PAX8: variants seen among roughly 807,000 people sequenced by gnomAD.
PAX8 encodes the protein paired box protein Pax-8.
A neutral mutation model predicts 52.4 loss-of-function variants in PAX8; 15 were observed. The observed-to-expected ratio is 0.29, with a 90% CI of 0.19 to 0.44. PAX8 has a LOEUF of 0.44. Among genes scored for constraint, PAX8 ranks in the 20% least tolerant of loss-of-function variants. PAX8 has a pLI of 1.00. For missense variants in PAX8, 554 were observed against 602.5 expected, an observed-to-expected ratio of 0.92 and a Z score of 0.84; for synonymous variants, 284 against 249.7, an observed-to-expected ratio of 1.14 and a Z score of -1.29.
intron 9 of PAX8, among the ~76,000 whole-genome samples, chr2:113,234,024 G>A (rs1690083134): frequency 1.3e-5 from 2 of 152,238 alleles, no homozygotes; most frequent in African/African-American, 4.8e-5. Flanking sequence ...GTAGGAGGGT[G>A]TGGGAGGTGA....
At chr2:113,269,007 T>C (rs1693291900) in intron 2 of PAX8, 1 of 152,226 alleles carries the variant, frequency 6.6e-6, no homozygotes, top group Non-Finnish European at 1.5e-5. Flanking sequence ...GGTACTGCCA[T>C]GTCCCCAGGG....
intron 2 of PAX8, among the ~76,000 whole-genome samples, chr2:113,265,277 A>G (rs2104579643): frequency 6.6e-6 from 1 of 152,358 alleles, no homozygotes; most frequent in East Asian, 1.9e-4. Flanking sequence ...CCAACAACAG[A>G]AGCGTGAGGC....
intron 2 of PAX8, chr2:113,267,763 C>G (rs769051588): frequency 6.6e-6 from 1 of 152,258 alleles, no homozygotes; most frequent in South Asian, 2.1e-4. Flanking sequence ...AAATTACCCA[C>G]AGACCTAGGA....
intron 2 of PAX8, chr2:113,269,520 G>A (rs1693325554): frequency 1.3e-5 from 2 of 152,246 alleles, no homozygotes; most frequent in Non-Finnish European, 2.9e-5. Flanking sequence ...TCCCTGCCCT[G>A]TAGAGGTGCC....
chr2:113,268,591 C>T (rs1029507995), intron 2 of PAX8: 8 of 152,218 alleles, frequency 5.3e-5, no homozygotes, highest in Admixed American at 2.0e-4. Context: ...CTGGAAGCTG[C>T]GAGCCACAGA....
At chr2:113,277,051 G>A (rs1466817401) in intron 2 of PAX8, among the ~76,000 whole-genome samples, 4 of 152,220 alleles carry the variant, frequency 2.6e-5, no homozygotes, top group Non-Finnish European at 4.4e-5. Context: ...CCGTAAAGAG[G>A]TGCCAGGGAG....
intron 2 of PAX8, chr2:113,250,865 C>T (rs1227883690): frequency 6.6e-6 from 1 of 152,198 alleles, no homozygotes; most frequent in Non-Finnish European, 1.5e-5. Context: ...CATTAGGAAT[C>T]ACCATGTTAA....
chr2:113,237,300 C>G (rs1690442411), intron 7 of PAX8: 1 of 152,198 alleles, frequency 6.6e-6, no homozygotes, highest in East Asian at 1.9e-4. Flanking sequence ...CCTCTGTTGT[C>G]CTAGTAGAGT....
intron 1 of PAX8, 36 bp from the exon 2 acceptor site, chr2:113,278,505 G>A (rs1693989750): frequency 9.4e-6 from 14 of 1,492,848 alleles, no homozygotes; most frequent in Admixed American, 9.0e-5. Flanking sequence ...GAGATGCGAT[G>A]AGATTCGATG....
At chr2:113,244,117 G>A (rs778565038) in intron 4 of PAX8, among the ~76,000 whole-genome samples, 4 of 152,202 alleles carry the variant, frequency 2.6e-5, no homozygotes, top group South Asian at 4.1e-4. Context: ...GGGTCTGATG[G>A]CTTAGAAAAG....
At chr2:113,243,940 C>T (rs948383591) in intron 4 of PAX8, among the ~76,000 whole-genome samples, 3 of 152,082 alleles carry the variant, frequency 2.0e-5, no homozygotes, top group African/African-American at 4.8e-5. Context: ...CTGTAAGCTC[C>T]GCAAAGATGG....
intron 8 of PAX8, chr2:113,236,308 G>A (rs1299137736): frequency 4.2e-6 from 1 of 237,132 alleles, no homozygotes; most frequent in Non-Finnish European, 7.5e-6. Flanking sequence ...CTTGAGGCCC[G>A]GCCTAGGACT....
intron 10 of PAX8, among the ~76,000 whole-genome samples, chr2:113,220,853 A>C (rs537010305): frequency 6.6e-6 from 1 of 152,322 alleles, no homozygotes; most frequent in South Asian, 2.1e-4. Context: ...CTGCCGCTTT[A>C]AGCAAACTCA....
At position 113,255,199 on chromosome 2, in the gene PAX8, GGA is replaced by G. The variant is rs1268590815; in HGVS notation, c.26-8282_26-8281del. 3.3e-3 allele frequency among the ~76,000 whole-genome samples: 451 copies of G among 136,480 alleles called. 4 individuals carry two copies. Among genetic ancestry groups the G allele is most frequent in the Non-Finnish European group, 5.4e-3 (339 of 62,336 alleles). 89.5% of individuals were successfully genotyped at this position (136,480 alleles called of 152,430 possible). On this transcript the variant is annotated intron_variant, in intron 2 of 11. Coordinates refer to ENST00000429538, the MANE Select transcript of PAX8 (RefSeq NM_003466.4). Reference sequence around the variant, plus strand: ...AGGAGGGACAGAGGAATAGAGGGAAGGAGAGAGGGAAGGAGGGAGGGGAGGAG... The same window carrying G: ...AGGAGGGACAGAGGAATAGAGGGAAGGAGAGGGAAGGAGGGAGGGGAGGAG...
chr2:113,235,577 G>A lies in PAX8; in HGVS notation c.904C>T (p.His302Tyr), dbSNP rs1351620829. The change falls in exon 9 of 12, where the codon CAC becomes TAC. Residue 302 changes from histidine (H) to tyrosine (Y), a missense_variant. His to Tyr is a moderately conservative substitution (Grantham distance 83, BLOSUM62 2). Transcript: ENST00000429538. ...TCCTGCTTTATGGCGAAGGGTGAGTGAGGATCTGCCGGAGGGAGGGAGACA... is the reference window on the plus strand; with the variant it reads ...TCCTGCTTTATGGCGAAGGGTGAGTAAGGATCTGCCGGAGGGAGGGAGACA... ...HQTYPVVADP[H>Y]SPFAIKQETP... is the part of the protein sequence containing the mutation. The A allele has an allele frequency of 1.2e-6, 2 of 1,609,818 alleles. No individual in the cohort carries two copies. Among genetic ancestry groups the A allele is most frequent in the South Asian group, 1.1e-5 (1 of 90,818 alleles).
chr2:113,252,791 T>C (rs1691885236), intron 2 of PAX8, among the ~76,000 whole-genome samples: 1 of 152,216 alleles, frequency 6.6e-6, no homozygotes, highest in South Asian at 2.1e-4. Context: ...TTAAAAACAT[T>C]ACTTACCTCT....
chr2:113,236,413 G>A (rs1362765183), intron 8 of PAX8, 188 bp downstream of exon 8: 2 of 540,520 alleles, frequency 3.7e-6, no homozygotes, highest in East Asian at 6.2e-5. Context: ...GACTGGAGGC[G>A]CGACCCCTCG....
chr2:113,277,546 C>G (rs1015336465), intron 2 of PAX8, among the ~76,000 whole-genome samples: 1 of 152,212 alleles, frequency 6.6e-6, no homozygotes, highest in African/African-American at 2.4e-5. Context: ...GCCGGCCGGG[C>G]TCCATCCATC....
intron 7 of PAX8, chr2:113,239,372 A>G (rs1053660159): frequency 6.6e-6 from 1 of 152,210 alleles, no homozygotes; most frequent in Non-Finnish European, 1.5e-5. Flanking sequence ...CTGGTCCCCC[A>G]CTTGTTGATT....
Sources: allele counts gnomAD v4.1 joint callset (sites outside exome capture counted in the v4.1 genomes callset), GRCh38; gene constraint gnomAD v4.1.1; transcripts MANE v1.5; gene names NCBI Gene and HGNC (gene_info 2026-07-23, HGNC 2026-07-21).